The following CDH12 variants were observed in gnomAD, a reference collection of about 807,000 sequenced individuals.
CDH12 encodes cadherin 12, also known as cadherin-12.
In CDH12, 41 loss-of-function variants were observed where a neutral mutation model predicts 74.1. The observed-to-expected ratio is 0.55, with a 90% CI of 0.43 to 0.72. The LOEUF (loss-of-function observed/expected upper bound fraction) is 0.72, where lower values mean the gene tolerates loss of function less well. Among genes scored for constraint, CDH12 ranks in the 30% least tolerant of loss-of-function variants. CDH12 has a pLI of 0.00. For missense variants in CDH12, 945 were observed against 977.2 expected (o/e 0.97, Z 0.44); for synonymous variants, 399 against 355.0 (o/e 1.12, Z -1.39).
intron 4 of CDH12, among the ~76,000 whole-genome samples, chr5:22,200,411 A>C (rs979428609): frequency 9.2e-5 from 14 of 152,184 alleles, no homozygotes; most frequent in Non-Finnish European, 2.1e-4. Flanking sequence ...GTGAGTTAAA[A>C]TATGCATGTT....
chr5:22,265,855 A>G lies in CDH12; in HGVS notation c.-332-53212T>C, dbSNP rs541713747. Among the ~76,000 whole-genome samples the G allele has an allele frequency of 1.6e-4, 25 of 152,250 alleles. 1 individual carries two copies. Among genetic ancestry groups the G allele is most frequent in the Non-Finnish European group, 3.2e-4 (22 of 68,020 alleles). ...AACAGGTATAAATCAAATAAAATAC[A>G]TTCAAACACAGATGATTGGTACACT... On this transcript the variant is annotated intron_variant, in intron 3 of 14. Coordinates refer to ENST00000382254, the MANE Select transcript of CDH12 (RefSeq NM_004061.5).
chr5:22,352,524 A>G (rs927197322), intron 3 of CDH12, among the ~76,000 whole-genome samples: 17 of 152,220 alleles, frequency 1.1e-4, no homozygotes, highest in Non-Finnish European at 2.4e-4. Flanking sequence ...TGCTGAGTTT[A>G]TGAGCCCTGT....
At chr5:21,845,692 T>G (rs1750129189) in intron 7 of CDH12, among the ~76,000 whole-genome samples, 1 of 152,080 alleles carries the variant, frequency 6.6e-6, no homozygotes, top group African/African-American at 2.4e-5. Context: ...CCTGTTTACC[T>G]TTCTTTAGCA....
At chr5:22,474,563 G>A (rs1746092730) in intron 2 of CDH12, among the ~76,000 whole-genome samples, 1 of 152,038 alleles carries the variant, frequency 6.6e-6, no homozygotes, top group Admixed American at 6.6e-5. Flanking sequence ...TATTGGAAAG[G>A]GAATTAATCT....
Position 22,088,689 on chromosome 5 carries a change from T to C in CDH12, c.-186-9827A>G, listed in dbSNP as rs576492746. On this transcript the variant is annotated intron_variant, in intron 4 of 14. Coordinates refer to ENST00000382254, the MANE Select transcript of CDH12 (RefSeq NM_004061.5). ...TTGGACAGAGTGTAAACTCCTTGTC[T>C]GATGTTGAAAGTAGTAAAAACCCAG... Among the ~76,000 whole-genome samples the C allele has an allele frequency of 3.3e-5, 5 of 152,198 alleles. No individual in the cohort carries two copies. In the East Asian group the frequency reaches 9.7e-4, roughly 29 times the overall value.
intron 10 of CDH12, among the ~76,000 whole-genome samples, chr5:21,784,484 G>A (rs1327313153): frequency 1.3e-5 from 2 of 152,100 alleles, no homozygotes; most frequent in African/African-American, 4.8e-5. Context: ...GAAAATTTTA[G>A]ATTGATGTTT....
At chr5:22,593,992 G>A (rs995610222) in intron 1 of CDH12, among the ~76,000 whole-genome samples, 5 of 152,142 alleles carry the variant, frequency 3.3e-5, no homozygotes, top group Admixed American at 2.6e-4. Context: ...ATGAAAGGAA[G>A]GAATGCTTGA....
intron 2 of CDH12, among the ~76,000 whole-genome samples, chr5:22,465,177 T>A (rs1040078943): frequency 3.3e-5 from 5 of 152,190 alleles, no homozygotes; most frequent in African/African-American, 1.2e-4. Flanking sequence ...GTTTTGTATA[T>A]CCAGTCTAAT....
At chr5:22,717,278 G>A (rs1387459097) in intron 1 of CDH12, among the ~76,000 whole-genome samples, 1 of 151,832 alleles carries the variant, frequency 6.6e-6, no homozygotes, top group Non-Finnish European at 1.5e-5. Flanking sequence ...CTTTTACTGT[G>A]TCATTTCAAT....
intron 1 of CDH12, among the ~76,000 whole-genome samples, chr5:22,589,654 G>C (rs1017501645): frequency 2.6e-5 from 4 of 152,048 alleles, no homozygotes; most frequent in Non-Finnish European, 4.4e-5. Context: ...CTCGGCTTCT[G>C]GAACATCCCA....
chr5:22,674,907 A>T (rs554681961), intron 1 of CDH12, among the ~76,000 whole-genome samples: 72 of 152,286 alleles, frequency 4.7e-4, no homozygotes, highest in Admixed American at 3.7e-3. Context: ...TCAAGAGGTG[A>T]CTTGGGTGCT....
intron 1 of CDH12, among the ~76,000 whole-genome samples, chr5:22,734,357 T>C (rs1422804870): frequency 3.3e-5 from 5 of 151,702 alleles, no homozygotes; most frequent in Non-Finnish European, 7.4e-5. Flanking sequence ...ATAAAAAAAA[T>C]GCAAAAAAGT....
intron 1 of CDH12, among the ~76,000 whole-genome samples, chr5:22,610,322 T>A (rs1737331830): frequency 6.6e-6 from 1 of 152,182 alleles, no homozygotes; most frequent in Admixed American, 6.5e-5. Flanking sequence ...TGAAGTAAAT[T>A]TTTATTCCAT....
intron 1 of CDH12, among the ~76,000 whole-genome samples, chr5:22,822,408 TGCACA>T (rs1393087340): frequency 2.0e-5 from 3 of 152,038 alleles, no homozygotes; most frequent in African/African-American, 7.2e-5. Context: ...AAAGAGCTTC[TGCACA>T]GCAAAAGAAA....
chr5:22,438,157 G>A (rs1744482708), intron 2 of CDH12, among the ~76,000 whole-genome samples: 1 of 152,004 alleles, frequency 6.6e-6, no homozygotes, highest in Non-Finnish European at 1.5e-5. Flanking sequence ...CCCAGGAAGT[G>A]TTTCCAGAAA....
At chr5:21,981,520 T>C (rs1470732342) in intron 5 of CDH12, among the ~76,000 whole-genome samples, 2 of 152,130 alleles carry the variant, frequency 1.3e-5, no homozygotes, top group African/African-American at 4.8e-5. Flanking sequence ...CAGTTGTTTT[T>C]TTGACATTGG....
chr5:22,418,091 G>GT (rs1338543348), intron 2 of CDH12, among the ~76,000 whole-genome samples: 1 of 152,166 alleles, frequency 6.6e-6, no homozygotes, highest in Non-Finnish European at 1.5e-5. Flanking sequence ...AGACTGGAAT[G>GT]TTTTTCCATT....
At chr5:22,645,161 A>G (rs1429690853) in intron 1 of CDH12, among the ~76,000 whole-genome samples, 1 of 152,104 alleles carries the variant, frequency 6.6e-6, no homozygotes, top group Non-Finnish European at 1.5e-5. Flanking sequence ...ATAGACAGTG[A>G]TTATTCTAAT....
intron 4 of CDH12, among the ~76,000 whole-genome samples, chr5:22,163,733 T>C (rs1748497469): frequency 6.6e-6 from 1 of 152,148 alleles, no homozygotes; most frequent in Non-Finnish European, 1.5e-5. Context: ...GAATTAGAAA[T>C]TTGATCCAGT....
Sources: allele counts gnomAD v4.1 joint callset (sites outside exome capture counted in the v4.1 genomes callset), GRCh38; gene constraint gnomAD v4.1.1; transcripts MANE v1.5; gene names NCBI Gene and HGNC (gene_info 2026-07-23, HGNC 2026-07-21).